The following ADARB2 variants were observed in gnomAD, a reference collection of about 807,000 sequenced individuals.
ADARB2 encodes the protein adenosine deaminase RNA specific B2 (inactive).
ADARB2 carries 25 observed loss-of-function variants against 62.2 expected under a neutral mutation model. The ratio of observed to expected loss-of-function variants is 0.40; its 90% CI spans 0.29 to 0.56. The LOEUF is 0.56. ADARB2 is among the 20% of genes least tolerant of loss of function. The pLI, the probability that ADARB2 is intolerant of heterozygous loss-of-function variation, is 0.43. For synonymous variants in ADARB2, 572 were observed against 500.8 expected, an observed-to-expected ratio of 1.14 and a Z score of -1.90; for missense variants, 1,071 against 1,077.4, an observed-to-expected ratio of 0.99 and a Z score of 0.08.
chr10:1,583,814 G>A (rs1344690675), intron 1 of ADARB2, among the ~76,000 whole-genome samples: 1 of 152,152 alleles, frequency 6.6e-6, no homozygotes, highest in Non-Finnish European at 1.5e-5. Context: ...GTGAAAGAAA[G>A]GACAAATAGA....
intron 1 of ADARB2, among the ~76,000 whole-genome samples, chr10:1,396,467 G>T (rs759241048): frequency 6.6e-6 from 1 of 152,152 alleles, no homozygotes; most frequent in African/African-American, 2.4e-5. Flanking sequence ...CCAGGCACGT[G>T]CTGTGTCCCA....
intron 3 of ADARB2, among the ~76,000 whole-genome samples, chr10:1,341,660 C>CTCT (rs1393846713): frequency 6.6e-6 from 1 of 151,948 alleles, no homozygotes. Context: ...CGGCGATAAT[C>CTCT]AGCATCAGCT....
intron 1 of ADARB2, among the ~76,000 whole-genome samples, chr10:1,585,597 A>G (rs543619593): frequency 4.6e-5 from 7 of 152,296 alleles, no homozygotes; most frequent in Admixed American, 4.6e-4. Flanking sequence ...CTCCTCTCAC[A>G]TGGGAATTGT....
At chr10:1,284,269 C>T (rs986906368) in intron 3 of ADARB2, among the ~76,000 whole-genome samples, 1 of 152,110 alleles carries the variant, frequency 6.6e-6, no homozygotes, top group East Asian at 1.9e-4. Flanking sequence ...GCTGGGTCTG[C>T]AGCTGTGTGA....
chr10:1,272,306 C>T (rs962837734), intron 3 of ADARB2, among the ~76,000 whole-genome samples: 31 of 152,186 alleles, frequency 2.0e-4, no homozygotes, highest in Non-Finnish European at 3.4e-4. Context: ...CGTGTGTGGA[C>T]GCTGATGCTG....
chr10:1,346,128 G>A (rs927605514), intron 3 of ADARB2, among the ~76,000 whole-genome samples: 1 of 152,104 alleles, frequency 6.6e-6, no homozygotes, highest in African/African-American at 2.4e-5. Context: ...TTGAATACTT[G>A]AGTGAATTCA....
intron 1 of ADARB2, among the ~76,000 whole-genome samples, chr10:1,558,640 C>T (rs1295120348): frequency 4.7e-4 from 61 of 130,410 alleles, no homozygotes; most frequent in African/African-American, 1.7e-3. Context: ...CCCACCTCTG[C>T]CCCCCTCCGT....
At chr10:1,554,075 A>C (rs1832667263) in intron 1 of ADARB2, among the ~76,000 whole-genome samples, 2 of 152,144 alleles carry the variant, frequency 1.3e-5, no homozygotes, top group Admixed American at 6.5e-5. Flanking sequence ...GCAGAGACAG[A>C]ATCTGGGGTC....
chr10:1,668,886 G>A (rs747159618), intron 1 of ADARB2, among the ~76,000 whole-genome samples: 10 of 152,204 alleles, frequency 6.6e-5, no homozygotes, highest in Non-Finnish European at 1.2e-4. Context: ...TCTTCTGTGA[G>A]CTCCTGGTGG....
At chr10:1,257,650 G>T (rs1831091920) in intron 4 of ADARB2, among the ~76,000 whole-genome samples, 1 of 152,158 alleles carries the variant, frequency 6.6e-6, no homozygotes. Context: ...GAGGGTGTGT[G>T]GGAAAGAGAG....
At chr10:1,458,547 C>T (rs1042073785) in intron 1 of ADARB2, among the ~76,000 whole-genome samples, 2 of 152,224 alleles carry the variant, frequency 1.3e-5, no homozygotes, top group African/African-American at 4.8e-5. Flanking sequence ...GGGAGAGGCT[C>T]ACCTATGCAG....
intron 1 of ADARB2, among the ~76,000 whole-genome samples, chr10:1,606,144 C>G (rs1214846336): frequency 6.6e-6 from 1 of 152,212 alleles, no homozygotes; most frequent in Non-Finnish European, 1.5e-5. Context: ...CATGTCTCTT[C>G]CCCCGCTCCT....
chr10:1,598,823 G>A (rs1013381268), intron 1 of ADARB2, among the ~76,000 whole-genome samples: 12 of 152,248 alleles, frequency 7.9e-5, no homozygotes, highest in South Asian at 2.1e-4. Context: ...AGACAGAAGC[G>A]AAGGGATCTC....
chr10:1,438,136 C>G (rs1830854729), intron 1 of ADARB2, among the ~76,000 whole-genome samples: 1 of 152,232 alleles, frequency 6.6e-6, no homozygotes, highest in African/African-American at 2.4e-5. Flanking sequence ...TCCTTCCCCT[C>G]AGTGGACAGA....
intron 3 of ADARB2, among the ~76,000 whole-genome samples, chr10:1,308,203 CT>C (rs1831649569): frequency 1.3e-5 from 2 of 152,228 alleles, no homozygotes; most frequent in Admixed American, 1.3e-4. Flanking sequence ...CTGGTAGCCC[CT>C]GATCATTCCA....
chr10:1,224,604 C>T (rs1830728306), intron 6 of ADARB2, among the ~76,000 whole-genome samples: 1 of 151,994 alleles, frequency 6.6e-6, no homozygotes, highest in South Asian at 2.1e-4. Context: ...CGAATGTGTC[C>T]CAGAGATTCT....
At chr10:1,513,510 C>T (rs750728406) in intron 1 of ADARB2, among the ~76,000 whole-genome samples, 16 of 152,150 alleles carry the variant, frequency 1.1e-4, no homozygotes, top group Non-Finnish European at 2.1e-4. Context: ...TCTGTTCTGG[C>T]TCTGGTGCTC....
chr10:1,279,773 T>C (rs1831354109), intron 3 of ADARB2, among the ~76,000 whole-genome samples: 1 of 152,182 alleles, frequency 6.6e-6, no homozygotes, highest in African/African-American at 2.4e-5. Context: ...AAGGGACGTC[T>C]ACTCCATGCT....
At chr10:1,269,700 G>A (rs891368826) in intron 4 of ADARB2, among the ~76,000 whole-genome samples, 4 of 152,188 alleles carry the variant, frequency 2.6e-5, no homozygotes, top group Non-Finnish European at 4.4e-5. Flanking sequence ...TGAGACTGCT[G>A]TACCCTGAGT....
Sources: allele counts gnomAD v4.1 joint callset (sites outside exome capture counted in the v4.1 genomes callset), GRCh38; gene constraint gnomAD v4.1.1; transcripts MANE v1.5; gene names NCBI Gene and HGNC (gene_info 2026-07-23, HGNC 2026-07-21).